Variants in FAF1 observed in about 807,000 individuals in gnomAD.
The protein encoded by FAF1 is FAS-associated factor 1.
FAF1 carries 25 observed loss-of-function variants against 92.5 expected under a neutral mutation model. That is an observed-to-expected ratio of 0.27 (90% confidence interval 0.20 to 0.38). The LOEUF is 0.38. FAF1 is among the 10% of genes least tolerant of loss of function. The pLI is 1.00. For synonymous variants in FAF1, 234 were observed against 273.2 expected, an observed-to-expected ratio of 0.86 and a Z score of 1.42; for missense variants, 636 against 793.3, an observed-to-expected ratio of 0.80 and a Z score of 2.38.
chr1:50,749,942 C>A (rs1659787740), intron 4 of FAF1, among the ~76,000 whole-genome samples: 1 of 152,060 alleles, frequency 6.6e-6, no homozygotes, highest in African/African-American at 2.4e-5. Context: ...TACTAAGGAA[C>A]TCAAAAAATG....
intron 12 of FAF1, 121 bp from the exon 13 acceptor site, chr1:50,567,352 AAG>A (rs1650220607): frequency 8.1e-6 from 5 of 616,614 alleles, no homozygotes; most frequent in Non-Finnish European, 7.7e-6. Flanking sequence ...GCTATTCCCT[AAG>A]AGAGTACTTT....
Position 50,788,074 on chromosome 1 carries a change from G to T in FAF1, c.293C>A (p.Pro98His). ...TTCAACCCTGAAGTCCAGCATCCGA[G>T]GTTGCCTTTCTACAATCTGCCTGGA... ...MPSRQIVERQ[P>H]RMLDFRVEYR... is the part of the protein sequence containing the mutation. Residue 98 changes from proline (P) to histidine (H), a missense_variant, in exon 4 of 19, where the codon CCT becomes CAT. Transcript: ENST00000396153. 1 of 1,614,112 alleles carries T rather than the reference G, an allele frequency of 6.2e-7. No homozygotes were observed. The highest frequency in any genetic ancestry group is 1.7e-5 in the Admixed American group (1 of 60,012).
intron 1 of FAF1, among the ~76,000 whole-genome samples, chr1:50,863,491 C>A (rs746928201): frequency 2.0e-5 from 3 of 151,590 alleles, no homozygotes; most frequent in Non-Finnish European, 4.4e-5. Flanking sequence ...CCAAACCCAG[C>A]AGAAAAAAAG....
At chr1:50,458,467 T>C (rs1406416426) in intron 18 of FAF1, among the ~76,000 whole-genome samples, 1 of 152,150 alleles carries the variant, frequency 6.6e-6, no homozygotes, top group East Asian at 1.9e-4. Flanking sequence ...CAAAAAGAAA[T>C]AGCTATATTC....
chr1:50,787,977 C>T (rs1388733215), intron 4 of FAF1, 23 bp downstream of exon 4: 3 of 1,584,078 alleles, frequency 1.9e-6, no homozygotes, highest in African/African-American at 1.3e-5. Context: ...TTTGTGAAGG[C>T]TTTATGGCAG....
At chr1:50,657,685 A>T (rs1655186312) in intron 7 of FAF1, among the ~76,000 whole-genome samples, 1 of 152,252 alleles carries the variant, frequency 6.6e-6, no homozygotes, top group African/African-American at 2.4e-5. Flanking sequence ...TTGTTTTCAC[A>T]TTACCCTTTC....
intron 7 of FAF1, among the ~76,000 whole-genome samples, chr1:50,683,654 C>T (rs939926718): frequency 4.0e-5 from 6 of 151,810 alleles, no homozygotes; most frequent in Middle Eastern, 3.4e-3. Flanking sequence ...TGTTTTTGGC[C>T]GGGTGCAGTG....
At chr1:50,779,407 C>A (rs1371510923) in intron 4 of FAF1, among the ~76,000 whole-genome samples, 1 of 152,158 alleles carries the variant, frequency 6.6e-6, no homozygotes, top group East Asian at 1.9e-4. Flanking sequence ...CTACATATGG[C>A]AGCTACAGCC....
intron 1 of FAF1, among the ~76,000 whole-genome samples, chr1:50,884,466 T>G (rs1644640768): frequency 6.6e-6 from 1 of 150,926 alleles, no homozygotes; most frequent in Non-Finnish European, 1.5e-5. Context: ...AGGTGGAGGT[T>G]GCAGTAAGCT....
At chr1:50,740,086 T>C (rs1247109138) in intron 5 of FAF1, among the ~76,000 whole-genome samples, 1 of 152,174 alleles carries the variant, frequency 6.6e-6, no homozygotes, top group Non-Finnish European at 1.5e-5. Context: ...CCACTGAGAA[T>C]ATAGCATTGA....
intron 1 of FAF1, among the ~76,000 whole-genome samples, chr1:50,946,361 C>T (rs12069920): frequency 0.02 from 3,052 of 152,304 alleles, 101 homozygotes; most frequent in African/African-American, 0.071. Context: ...AATGTTCAGG[C>T]AGCTATCTTT....
intron 3 of FAF1, among the ~76,000 whole-genome samples, chr1:50,801,158 C>T (rs751701306): frequency 6.6e-6 from 1 of 152,186 alleles, no homozygotes; most frequent in Non-Finnish European, 1.5e-5. Flanking sequence ...TAGTTCAGTA[C>T]TCTGAAGAGT....
intron 1 of FAF1, among the ~76,000 whole-genome samples, chr1:50,918,149 A>C (rs1432181737): frequency 6.6e-6 from 1 of 151,588 alleles, no homozygotes; most frequent in Non-Finnish European, 1.5e-5. Flanking sequence ...ACTTACAAAG[A>C]GTACATTTCA....
At chr1:50,703,047 G>A (rs1230764593) in intron 7 of FAF1, among the ~76,000 whole-genome samples, 2 of 151,388 alleles carry the variant, frequency 1.3e-5, no homozygotes, top group African/African-American at 4.9e-5. Flanking sequence ...AAATGACCAG[G>A]AACCTTTGTG....
At chr1:50,813,827 T>C (rs1328039449) in intron 2 of FAF1, among the ~76,000 whole-genome samples, 1 of 151,798 alleles carries the variant, frequency 6.6e-6, no homozygotes, top group Non-Finnish European at 1.5e-5. Flanking sequence ...AAAAATGACC[T>C]AGCAATTCCA....
At position 50,934,550 on chromosome 1, in the gene FAF1, C is replaced by T. The variant is rs1039526124; in HGVS notation, c.45+25217G>A. On this transcript the variant is annotated intron_variant, in intron 1 of 18. Transcript: ENST00000396153. Reference sequence around the variant, plus strand: ...CCAGCCTGGGCAACAAAGTGAGACCCCGTCTCTACAAAAAAATTAAAAAAT... The same window carrying T: ...CCAGCCTGGGCAACAAAGTGAGACCTCGTCTCTACAAAAAAATTAAAAAAT... 8.5e-5 allele frequency among the ~76,000 whole-genome samples: 13 copies of T among 152,128 alleles called. 1 individual carries two copies. In the Middle Eastern group the frequency reaches 0.024, roughly 279 times the overall value.
At chr1:50,795,213 A>G (rs921071337) in intron 3 of FAF1, among the ~76,000 whole-genome samples, 6 of 152,170 alleles carry the variant, frequency 3.9e-5, no homozygotes, top group Admixed American at 2.6e-4. Flanking sequence ...TGAGTCCCCA[A>G]TAAGGTGCCA....
chr1:50,702,588 C>G (rs1242884504), intron 7 of FAF1, among the ~76,000 whole-genome samples: 2 of 152,018 alleles, frequency 1.3e-5, no homozygotes, highest in African/African-American at 4.8e-5. Flanking sequence ...ACTGCTTTCT[C>G]CCCAACCAGG....
intron 12 of FAF1, among the ~76,000 whole-genome samples, chr1:50,580,285 C>CA (rs1253972038): frequency 6.6e-6 from 1 of 151,392 alleles, no homozygotes; most frequent in Non-Finnish European, 1.5e-5. Flanking sequence ...GGAACTGAAA[C>CA]AAAAATTTAT....
Sources: gnomAD v4.1 joint callset for allele counts (sites outside exome capture counted in the v4.1 genomes callset) on GRCh38, gnomAD v4.1.1 for gene constraint, MANE v1.5 for transcripts, NCBI Gene and HGNC (gene_info 2026-07-23, HGNC 2026-07-21) for gene names.